The following RANBP17 variants were observed in gnomAD, a reference collection of about 807,000 sequenced individuals.
RANBP17 encodes ran-binding protein 17.
In RANBP17, 158 loss-of-function variants were observed where a neutral mutation model predicts 141.2. That is an observed-to-expected ratio of 1.12 (90% CI 0.98 to 1.28). The LOEUF (loss-of-function observed/expected upper bound fraction) is 1.28, where lower values mean the gene tolerates loss of function less well. Ranked by LOEUF, RANBP17 falls within the 50% of genes most tolerant of loss-of-function variation. RANBP17 has a pLI of 0.00. For missense variants in RANBP17, 1,438 were observed against 1,290.7 expected, an observed-to-expected ratio of 1.11 and a Z score of -1.75; for synonymous variants, 430 against 450.0, an observed-to-expected ratio of 0.96 and a Z score of 0.56.
intron 26 of RANBP17, among the ~76,000 whole-genome samples, chr5:171,294,569 A>G (rs1202232682): frequency 6.6e-6 from 1 of 152,240 alleles, no homozygotes; most frequent in African/African-American, 2.4e-5. Flanking sequence ...AGTACTGGGG[A>G]AAAAGACAGT....
intron 25 of RANBP17, among the ~76,000 whole-genome samples, chr5:171,266,405 G>C (rs1766683961): frequency 6.6e-6 from 1 of 152,096 alleles, no homozygotes; most frequent in Non-Finnish European, 1.5e-5. Context: ...TTATTTTCTA[G>C]TGTATGTTCT....
chr5:171,269,018 A>AC (rs1766925974), intron 25 of RANBP17, among the ~76,000 whole-genome samples: 1 of 152,188 alleles, frequency 6.6e-6, no homozygotes, highest in Non-Finnish European at 1.5e-5. Context: ...AAGTAGTGAT[A>AC]TATCTTTATT....
At chr5:171,280,390 A>C (rs1216112701) in intron 25 of RANBP17, among the ~76,000 whole-genome samples, 5 of 151,998 alleles carry the variant, frequency 3.3e-5, no homozygotes, top group Non-Finnish European at 5.9e-5. Context: ...CGATCCTCTC[A>C]CCTCAGCCTC....
intron 14 of RANBP17, among the ~76,000 whole-genome samples, chr5:171,107,731 A>G (rs1400443940): frequency 6.6e-6 from 1 of 152,194 alleles, no homozygotes; most frequent in Non-Finnish European, 1.5e-5. Context: ...ATGAAAAGGG[A>G]AATCTTGCCT....
chr5:171,147,773 T>A (rs1758163836), intron 14 of RANBP17, among the ~76,000 whole-genome samples: 1 of 151,844 alleles, frequency 6.6e-6, no homozygotes, highest in Admixed American at 6.6e-5. Flanking sequence ...GGTGGGGGGG[T>A]CAGCCCCCCG....
intron 27 of RANBP17, among the ~76,000 whole-genome samples, chr5:171,296,459 AG>A (rs1768826480): frequency 2.0e-5 from 3 of 152,224 alleles, no homozygotes; most frequent in Non-Finnish European, 4.4e-5. Context: ...ATTTCAAAAT[AG>A]CTAAAAGAGA....
chr5:171,273,626 AAAAAACAAAAAATTG>A (rs1357728155), intron 25 of RANBP17, among the ~76,000 whole-genome samples: 3 of 152,230 alleles, frequency 2.0e-5, no homozygotes, highest in Non-Finnish European at 2.9e-5. Context: ...ATTGAAAATT[AAAAAACAAAAAATTG>A]AAACATTTGG....
intron 12 of RANBP17, among the ~76,000 whole-genome samples, chr5:170,941,388 T>C (rs1196240085): frequency 6.6e-6 from 1 of 152,078 alleles, no homozygotes; most frequent in Non-Finnish European, 1.5e-5. Flanking sequence ...TAGGAACAAA[T>C]AGAGGAAATT....
At chr5:171,245,242 A>G (rs991556167) in intron 24 of RANBP17, among the ~76,000 whole-genome samples, 1 of 152,144 alleles carries the variant, frequency 6.6e-6, no homozygotes, top group African/African-American at 2.4e-5. Context: ...CATTCTTAAT[A>G]TAACTTGTTA....
intron 16 of RANBP17, among the ~76,000 whole-genome samples, chr5:171,177,881 C>CT (rs1760594494): frequency 6.6e-6 from 1 of 152,104 alleles, no homozygotes; most frequent in South Asian, 2.1e-4. Flanking sequence ...AGTTTCAAAA[C>CT]TTCATACAGT....
chr5:171,142,934 T>A (rs1269815696), intron 14 of RANBP17, among the ~76,000 whole-genome samples: 1 of 152,224 alleles, frequency 6.6e-6, no homozygotes, highest in East Asian at 1.9e-4. Flanking sequence ...ATTTACATTA[T>A]TTTTCTAGGC....
intron 23 of RANBP17, among the ~76,000 whole-genome samples, chr5:171,241,947 G>A (rs1374636509): frequency 6.6e-6 from 1 of 151,746 alleles, no homozygotes; most frequent in Non-Finnish European, 1.5e-5. Context: ...TATTGAGTTG[G>A]TCTTAACATC....
chr5:171,083,063 C>G (rs1451282092), intron 14 of RANBP17, among the ~76,000 whole-genome samples: 2 of 152,024 alleles, frequency 1.3e-5, no homozygotes, highest in Non-Finnish European at 2.9e-5. Flanking sequence ...CAATTTAATT[C>G]ATTTTCTTTT....
intron 14 of RANBP17, among the ~76,000 whole-genome samples, chr5:171,157,686 A>G (rs931488360): frequency 6.6e-6 from 1 of 152,228 alleles, no homozygotes; most frequent in South Asian, 2.1e-4. Context: ...GCTGCCATCA[A>G]TTTTTAACAT....
At chr5:171,118,636 T>C (rs949603517) in intron 14 of RANBP17, among the ~76,000 whole-genome samples, 2 of 152,214 alleles carry the variant, frequency 1.3e-5, no homozygotes, top group East Asian at 3.8e-4. Context: ...TATTTCTTGG[T>C]ATTTTTGTAG....
rs372755201 is a variant in RANBP17, at chr5:170,873,829, G to A, written c.19-4268G>A. Among the ~76,000 whole-genome samples, 66 of 151,924 alleles carry A rather than the reference G, an allele frequency of 4.3e-4. 1 individual carries two copies. In the South Asian group the frequency reaches 0.013, roughly 29 times the overall value. ...ATTGACTTTTTTTGAAGGATTTTTCGTGTCTCTATCTCCTTCAGTTCTGTT... is the reference window on the plus strand; with the variant it reads ...ATTGACTTTTTTTGAAGGATTTTTCATGTCTCTATCTCCTTCAGTTCTGTT... On this transcript the variant is annotated intron_variant, in intron 1 of 27. Transcript: ENST00000523189.
chr5:171,003,397 C>T (rs1472375492), intron 14 of RANBP17, among the ~76,000 whole-genome samples: 1 of 152,136 alleles, frequency 6.6e-6, no homozygotes, highest in African/African-American at 2.4e-5. Context: ...ACCAGGTATC[C>T]AAAGGCAAAA....
chr5:171,094,063 G>A (rs186547520), intron 14 of RANBP17, among the ~76,000 whole-genome samples: 18 of 152,318 alleles, frequency 1.2e-4, no homozygotes, highest in Non-Finnish European at 2.4e-4. Flanking sequence ...TTACCAGCAT[G>A]CAGTATATCT....
At chr5:170,904,447 C>T (rs1770913079) in intron 5 of RANBP17, 1 of 153,852 alleles carries the variant, frequency 6.5e-6, no homozygotes, top group South Asian at 2.0e-4. Context: ...TTTACCAAGC[C>T]TAAGCATAGC....
Sources: allele counts gnomAD v4.1 joint callset (sites outside exome capture counted in the v4.1 genomes callset), GRCh38; gene constraint gnomAD v4.1.1; transcripts MANE v1.5; gene names NCBI Gene and HGNC (gene_info 2026-07-23, HGNC 2026-07-21).